NKAIN2: variants seen among roughly 807,000 people sequenced by gnomAD.
The protein encoded by NKAIN2 is sodium/potassium transporting ATPase interacting 2.
Under a neutral mutation model 32.6 loss-of-function variants are expected in NKAIN2, and 14 were observed. The observed-to-expected ratio is 0.43, with a 90% CI of 0.28 to 0.67. The LOEUF is 0.67. NKAIN2 is among the 30% of genes least tolerant of loss of function. The pLI is 0.17. For synonymous variants in NKAIN2, 80 were observed against 87.2 expected (o/e 0.92, Z 0.46); for missense variants, 198 against 258.3 (o/e 0.77, Z 1.60).
At chr6:123,971,754 C>G (rs1183544699) in intron 1 of NKAIN2, among the ~76,000 whole-genome samples, 2 of 152,144 alleles carry the variant, frequency 1.3e-5, no homozygotes, top group African/African-American at 4.8e-5. Flanking sequence ...AACAAGCACC[C>G]AGACCGATAA....
intron 1 of NKAIN2, among the ~76,000 whole-genome samples, chr6:123,924,023 A>T (rs1332540238): frequency 2.6e-5 from 4 of 152,130 alleles, no homozygotes; most frequent in African/African-American, 9.7e-5. Flanking sequence ...CAATATTAGG[A>T]ATCTTTAAAA....
chr6:123,819,781 T>A (rs1234596784), intron 1 of NKAIN2, among the ~76,000 whole-genome samples: 1 of 152,130 alleles, frequency 6.6e-6, no homozygotes, highest in African/African-American at 2.4e-5. Context: ...TCTGTGCCAG[T>A]CCCCAAATTA....
intron 3 of NKAIN2, among the ~76,000 whole-genome samples, chr6:124,505,937 G>A (rs191992467): frequency 1.3e-5 from 2 of 152,246 alleles, no homozygotes; most frequent in Admixed American, 1.3e-4. Context: ...ACTTTGGGAG[G>A]CCGAGGCAGG....
At chr6:124,660,228 C>T (rs1343582897) in intron 4 of NKAIN2, among the ~76,000 whole-genome samples, 2 of 152,114 alleles carry the variant, frequency 1.3e-5, no homozygotes, top group Non-Finnish European at 2.9e-5. Context: ...TGGAAAATTT[C>T]CACCTATGTT....
chr6:124,784,363 T>C (rs1184907829), intron 4 of NKAIN2, among the ~76,000 whole-genome samples: 2 of 152,294 alleles, frequency 1.3e-5, no homozygotes, highest in East Asian at 3.9e-4. Flanking sequence ...ATTGCCTTTT[T>C]ACGGCCACAT....
chr6:124,204,674 C>T lies in NKAIN2; in HGVS notation c.55-78331C>T, dbSNP rs145274094. On this transcript the variant is annotated intron_variant, in intron 1 of 6. Coordinates refer to ENST00000368417, the MANE Select transcript of NKAIN2 (RefSeq NM_001040214.3). ...AAGTATATTTTAATATAAGACCAGGCGTCTAATATGACTTTGAAATTGTTC... is the reference window on the plus strand; with the variant it reads ...AAGTATATTTTAATATAAGACCAGGTGTCTAATATGACTTTGAAATTGTTC... Among the ~76,000 whole-genome samples the T allele has an allele frequency of 1.0e-3, 155 of 151,718 alleles. 1 individual carries two copies. Among genetic ancestry groups the T allele is most frequent in the African/African-American group, 3.6e-3 (150 of 41,438 alleles).
chr6:123,806,605 C>A (rs1328112361), intron 1 of NKAIN2, among the ~76,000 whole-genome samples: 1 of 151,938 alleles, frequency 6.6e-6, no homozygotes, highest in Non-Finnish European at 1.5e-5. Flanking sequence ...TATGTCTTTG[C>A]GCTATTATGA....
At chr6:124,308,104 A>G (rs6903286) in intron 2 of NKAIN2, among the ~76,000 whole-genome samples, 8,819 of 152,086 alleles carry the variant, frequency 0.058, 321 homozygotes, top group Admixed American at 0.09. Flanking sequence ...TAAGCCCCGC[A>G]TGCATTAGGT....
Position 124,032,728 on chromosome 6 carries a change from AT to A in NKAIN2, c.54+228481del, listed in dbSNP as rs1312135946. On this transcript the variant is annotated intron_variant, in intron 1 of 6. Coordinates refer to ENST00000368417, the MANE Select transcript of NKAIN2 (RefSeq NM_001040214.3). Reference sequence around the variant, plus strand: ...GGAATCACATTTAAAACATTATTTTATTTTTTTCCAATTAAAAAAATTAAAA... The same window carrying A: ...GGAATCACATTTAAAACATTATTTTATTTTTTCCAATTAAAAAAATTAAAA... Among the ~76,000 whole-genome samples the A allele has an allele frequency of 7.9e-5, 12 of 152,116 alleles. No homozygotes were observed. In the East Asian group the frequency reaches 1.9e-3, roughly 25 times the overall value.
intron 1 of NKAIN2, among the ~76,000 whole-genome samples, chr6:123,996,915 T>C (rs904560893): frequency 1.2e-4 from 19 of 152,314 alleles, no homozygotes; most frequent in African/African-American, 4.3e-4. Flanking sequence ...TTTTTTTGAA[T>C]GGAAAAATAA....
intron 1 of NKAIN2, among the ~76,000 whole-genome samples, chr6:123,881,532 G>A (rs181041627): frequency 2.6e-5 from 4 of 152,254 alleles, no homozygotes; most frequent in Admixed American, 2.6e-4. Context: ...AACTAGTTTG[G>A]TGTCACTTCT....
chr6:123,946,679 G>A (rs1252174009), intron 1 of NKAIN2, among the ~76,000 whole-genome samples: 2 of 152,222 alleles, frequency 1.3e-5, no homozygotes, highest in African/African-American at 4.8e-5. Flanking sequence ...GTAATACTGT[G>A]ATAGAGTAAA....
intron 3 of NKAIN2, among the ~76,000 whole-genome samples, chr6:124,601,565 G>A (rs1782308532): frequency 6.6e-6 from 1 of 152,006 alleles, no homozygotes; most frequent in Admixed American, 6.6e-5. Context: ...CCAGGAAGAG[G>A]AGGCCATTGT....
intron 4 of NKAIN2, among the ~76,000 whole-genome samples, chr6:124,692,496 G>A (rs1036285589): frequency 1.3e-5 from 2 of 151,996 alleles, no homozygotes; most frequent in Non-Finnish European, 2.9e-5. Flanking sequence ...TTTAATGAAG[G>A]TCATTATCAC....
At chr6:123,943,595 TG>T in intron 1 of NKAIN2, among the ~76,000 whole-genome samples, 1 of 152,028 alleles carries the variant, frequency 6.6e-6, no homozygotes, top group Non-Finnish European at 1.5e-5. Context: ...CCCATGTCAA[TG>T]GGTTGTTGGA....
At chr6:123,931,131 G>T (rs1161881176) in intron 1 of NKAIN2, among the ~76,000 whole-genome samples, 1 of 151,654 alleles carries the variant, frequency 6.6e-6, no homozygotes, top group Non-Finnish European at 1.5e-5. Context: ...AGTAGGTGAG[G>T]TTACCTCTTA....
chr6:123,877,334 C>A (rs1773213692), intron 1 of NKAIN2, among the ~76,000 whole-genome samples: 1 of 152,152 alleles, frequency 6.6e-6, no homozygotes, highest in Admixed American at 6.5e-5. Context: ...ATTTCTGAAT[C>A]TTAAACCATC....
At chr6:124,605,306 T>C (rs1782457176) in intron 3 of NKAIN2, among the ~76,000 whole-genome samples, 2 of 152,086 alleles carry the variant, frequency 1.3e-5, no homozygotes, top group Admixed American at 1.3e-4. Flanking sequence ...CAAGGGCTTA[T>C]TGAGCCCTTA....
At chr6:124,214,279 G>A (rs1240698012) in intron 1 of NKAIN2, among the ~76,000 whole-genome samples, 1 of 152,100 alleles carries the variant, frequency 6.6e-6, no homozygotes, top group African/African-American at 2.4e-5. Flanking sequence ...AGAATCTTGT[G>A]AGTATTAATA....
Sources: allele counts gnomAD v4.1 joint callset (sites outside exome capture counted in the v4.1 genomes callset), GRCh38; gene constraint gnomAD v4.1.1; transcripts MANE v1.5; gene names NCBI Gene and HGNC (gene_info 2026-07-23, HGNC 2026-07-21).